Variants in NRG1 observed in about 807,000 individuals in gnomAD.
The protein encoded by NRG1 is neuregulin 1, also known as pro-neuregulin-1, membrane-bound isoform.
In NRG1, 18 loss-of-function variants were observed where a neutral mutation model predicts 63.8. The observed-to-expected ratio is 0.28, with a 90% confidence interval of 0.19 to 0.42. The LOEUF (loss-of-function observed/expected upper bound fraction) is 0.42, where lower values mean the gene tolerates loss of function less well. Among genes scored for constraint, NRG1 ranks in the 10% least tolerant of loss-of-function variants. The probability of loss-of-function intolerance (pLI) is 1.00; values close to 1 mark genes in which losing one functional copy is unlikely to be tolerated. For synonymous variants in NRG1, 302 were observed against 301.3 expected (o/e 1.00, Z -0.02); for missense variants, 762 against 814.7 (o/e 0.94, Z 0.79).
chr8:32,478,039 C>T (rs2129492297), intron 1 of NRG1, among the ~76,000 whole-genome samples: 1 of 152,332 alleles, frequency 6.6e-6, no homozygotes, highest in Non-Finnish European at 1.5e-5. Context: ...TACTTCTCAT[C>T]CTCTGGAACA....
chr8:31,719,639 C>T (rs1205627194), intron 1 of NRG1, among the ~76,000 whole-genome samples: 1 of 152,136 alleles, frequency 6.6e-6, no homozygotes, highest in Non-Finnish European at 1.5e-5. Context: ...AATGCTTATA[C>T]TACTTTTCCC....
At chr8:32,240,349 A>G (rs1220753560) in intron 1 of NRG1, among the ~76,000 whole-genome samples, 1 of 152,222 alleles carries the variant, frequency 6.6e-6, no homozygotes, top group Non-Finnish European at 1.5e-5. Flanking sequence ...TATTCTTGAA[A>G]TGACAAAAAT....
At position 32,171,853 on chromosome 8, in the gene NRG1, T is replaced by G. The variant is rs575273578; in HGVS notation, c.38-423975T>G. ...TAGGTAAACAAAGCGGCCAGGAAGC[T>G]CGAACTGGGTGGAGCCAACCGCAGC... On this transcript the variant is annotated intron_variant, in intron 1 of 10. Coordinates refer to the NRG1 transcript ENST00000519301. 6.9e-4 allele frequency among the ~76,000 whole-genome samples: 105 copies of G among 152,090 alleles called. 1 individual carries two copies. Among genetic ancestry groups the G allele is most frequent in the East Asian group, 1.8e-3 (9 of 5,124 alleles).
At chr8:32,055,980 T>A (rs1822867847) in intron 1 of NRG1, among the ~76,000 whole-genome samples, 1 of 152,198 alleles carries the variant, frequency 6.6e-6, no homozygotes, top group African/African-American at 2.4e-5. Context: ...GAATGCCAAG[T>A]TTTTTATTTA....
intron 1 of NRG1, among the ~76,000 whole-genome samples, chr8:31,843,652 C>A (rs1826403837): frequency 6.6e-6 from 1 of 152,136 alleles, no homozygotes; most frequent in African/African-American, 2.4e-5. Context: ...TGCTAAGAAC[C>A]TGATTGTGTT....
At chr8:32,145,347 A>C (rs1368601197) in intron 1 of NRG1, among the ~76,000 whole-genome samples, 3 of 152,218 alleles carry the variant, frequency 2.0e-5, no homozygotes, top group Admixed American at 1.3e-4. Context: ...CTTATGGCTT[A>C]AATTTTTTTC....
intron 1 of NRG1, among the ~76,000 whole-genome samples, chr8:32,037,580 C>T (rs1819273952): frequency 1.3e-5 from 2 of 152,178 alleles, no homozygotes; most frequent in Admixed American, 1.3e-4. Flanking sequence ...CCTATGGGCT[C>T]CTTTCAGGGA....
chr8:32,208,867 C>A (rs1025330950), intron 1 of NRG1, among the ~76,000 whole-genome samples: 4 of 152,084 alleles, frequency 2.6e-5, no homozygotes, highest in African/African-American at 9.7e-5. Flanking sequence ...AAGTAATGAT[C>A]TATATGAAAG....
chr8:31,858,450 G>C (rs895640668), intron 1 of NRG1, among the ~76,000 whole-genome samples: 2 of 152,138 alleles, frequency 1.3e-5, no homozygotes, highest in Admixed American at 6.5e-5. Context: ...ATTTTGAAGG[G>C]TGGTTTTCTC....
chr8:32,012,992 G>T lies in NRG1; in HGVS notation c.37+373561G>T, dbSNP rs931753837. Among the ~76,000 whole-genome samples, 2 of 152,078 alleles carry T rather than the reference G, an allele frequency of 1.3e-5. 1 individual carries two copies. Among genetic ancestry groups the T allele is most frequent in the Middle Eastern group, 6.3e-3 (2 of 316 alleles). On this transcript the variant is annotated intron_variant, in intron 1 of 10. Transcript: ENST00000519301. ...CAGAGAAATTGAATGAGAAAGAGAT[G>T]AAACCATTTTTTAACATCCCTAATG...
intron 1 of NRG1, among the ~76,000 whole-genome samples, chr8:32,569,350 G>C (rs923392421): frequency 2.6e-5 from 4 of 152,094 alleles, no homozygotes; most frequent in Admixed American, 1.3e-4. Flanking sequence ...TGCCTGGCCA[G>C]GCCAAGATGA....
At chr8:31,648,428 G>A (rs932053486) in intron 1 of NRG1, among the ~76,000 whole-genome samples, 4 of 152,038 alleles carry the variant, frequency 2.6e-5, no homozygotes, top group African/African-American at 2.4e-5. Flanking sequence ...CACCGCGCCC[G>A]GCCCTACCTT....
intron 1 of NRG1, among the ~76,000 whole-genome samples, chr8:32,004,120 G>A (rs904489317): frequency 6.6e-6 from 1 of 151,926 alleles, no homozygotes; most frequent in African/African-American, 2.4e-5. Flanking sequence ...CTAAGTGGCA[G>A]AAGCCAGTCT....
chr8:31,945,947 T>G (rs1802474235), intron 1 of NRG1, among the ~76,000 whole-genome samples: 1 of 152,200 alleles, frequency 6.6e-6, no homozygotes, highest in Non-Finnish European at 1.5e-5. Context: ...TTAATAAAGA[T>G]GAATAAACAG....
At chr8:32,714,707 T>G (rs997310007) in intron 5 of NRG1, among the ~76,000 whole-genome samples, 6 of 152,230 alleles carry the variant, frequency 3.9e-5, no homozygotes, top group Non-Finnish European at 5.9e-5. Context: ...TTTCAGTCAC[T>G]GGGTGACAGG....
intron 5 of NRG1, chr8:32,721,886 AT>A (rs889060841): frequency 2.7e-5 from 38 of 1,433,748 alleles, no homozygotes; most frequent in Middle Eastern, 1.9e-4. Context: ...CCACCTAAGC[AT>A]TTTTTTCCCC....
intron 1 of NRG1, among the ~76,000 whole-genome samples, chr8:31,657,171 ATTTAC>A (rs1805508734): frequency 1.3e-5 from 2 of 152,066 alleles, no homozygotes; most frequent in African/African-American, 4.8e-5. Context: ...GTTTTCATTT[ATTTAC>A]TTTGGGTGCA....
chr8:32,287,660 C>A (rs1853695516), intron 1 of NRG1: 1 of 152,140 alleles, frequency 6.6e-6, no homozygotes, highest in South Asian at 2.1e-4. Flanking sequence ...TGCATGTGTT[C>A]ACAAAACTCA....
At chr8:32,376,848 C>T (rs2129483091) in intron 1 of NRG1, among the ~76,000 whole-genome samples, 1 of 152,168 alleles carries the variant, frequency 6.6e-6, no homozygotes, top group East Asian at 1.9e-4. Context: ...AACTCTGCCA[C>T]TTAAAACAAA....
Sources: allele counts gnomAD v4.1 joint callset (sites outside exome capture counted in the v4.1 genomes callset), GRCh38; gene constraint gnomAD v4.1.1; transcripts MANE v1.5; gene names NCBI Gene and HGNC (gene_info 2026-07-23, HGNC 2026-07-21).